HSP90AA1: variants seen among roughly 807,000 people sequenced by gnomAD.
The protein encoded by HSP90AA1 is heat shock protein HSP 90-alpha.
HSP90AA1 carries 18 observed loss-of-function variants against 73.3 expected under a neutral mutation model. The observed-to-expected ratio is 0.25, with a 90% CI of 0.17 to 0.36. The LOEUF (loss-of-function observed/expected upper bound fraction) is 0.36. Among genes scored for constraint, HSP90AA1 ranks in the 10% least tolerant of loss-of-function variants. HSP90AA1 has a pLI of 1.00. For synonymous variants in HSP90AA1, 477 were observed against 296.9 expected (o/e 1.61, Z -6.24); for missense variants, 704 against 874.2 (o/e 0.81, Z 2.45).
chr14:102,138,773 C>G (rs953883073), intron 1 of HSP90AA1, among the ~76,000 whole-genome samples: 5 of 152,150 alleles, frequency 3.3e-5, no homozygotes, highest in Non-Finnish European at 7.4e-5. Context: ...GTTTCTGTCA[C>G]TTTAGAAGCT....
intron 2 of HSP90AA1, among the ~76,000 whole-genome samples, chr14:102,096,913 G>A (rs908338088): frequency 1.3e-5 from 2 of 152,144 alleles, no homozygotes; most frequent in South Asian, 2.1e-4. Flanking sequence ...CATCATTAAT[G>A]TTTCACCCTG....
chr14:102,093,011 C>T (rs541634804), intron 2 of HSP90AA1, among the ~76,000 whole-genome samples: 64 of 152,156 alleles, frequency 4.2e-4, no homozygotes, highest in African/African-American at 1.4e-3. Flanking sequence ...TCCCAAAATG[C>T]TGGGGTTACG....
In HSP90AA1 at chr14:102,102,206, G is replaced by A. The variant is rs1200026018; in HGVS notation, c.156-121C>T. On this transcript the variant is annotated intron_variant, in intron 1 of 11. Transcript: ENST00000334701. ...CCTGGCTTCCTTAGACTTCCTCTGT[G>A]ACTGTCAAATGGATTAAAATATGTG... is the stretch of plus-strand genomic sequence containing the variant. The A allele has an allele frequency of 1.8e-5, 14 of 790,352 alleles. No individual in the cohort carries two copies. The East Asian group carries it at 2.7e-4, about 15-fold the overall frequency. The allele number at this position is 790,352 out of a possible 1,614,324, so 49.0% of individuals were successfully genotyped here.
chr14:102,128,049 C>A (rs1161372994), intron 1 of HSP90AA1, among the ~76,000 whole-genome samples: 1 of 152,202 alleles, frequency 6.6e-6, no homozygotes, highest in African/African-American at 2.4e-5. Context: ...GTGCTGCTCT[C>A]TTCTTTGCTC....
At position 102,084,610 on chromosome 14, in the gene HSP90AA1, A is replaced by G. The variant is rs764460657; in HGVS notation, c.982-46T>C. The stretch of plus-strand genomic sequence containing the variant: ...TAAGTACCAATGAACAATGCATTAT[A>G]GAAGATATTTGGGGTGGTGGAGAAA... On this transcript the variant is annotated intron_variant, in intron 5 of 10. Coordinates refer to ENST00000216281, the MANE Select transcript of HSP90AA1 (RefSeq NM_005348.4). The G allele has an allele frequency of 2.5e-6, 4 of 1,614,126 alleles. No homozygotes were observed. In the African/African-American group the frequency reaches 5.3e-5, roughly 22 times the overall value.
At chr14:102,117,450 G>A (rs1168368549) in intron 1 of HSP90AA1, among the ~76,000 whole-genome samples, 1 of 152,144 alleles carries the variant, frequency 6.6e-6, no homozygotes, top group Non-Finnish European at 1.5e-5. Flanking sequence ...CAGAGCTGAA[G>A]ACAGGATGAC....
intron 6 of HSP90AA1, 39 bp downstream of exon 6, chr14:102,084,360 T>C (rs373599349): frequency 1.1e-5 from 18 of 1,587,256 alleles, no homozygotes; most frequent in Non-Finnish European, 1.5e-5. Flanking sequence ...AGTACTTCTT[T>C]AATCAGTGAC....
At chr14:102,082,973 ATGACT>A in intron 9 of HSP90AA1, 56 bp downstream of exon 9, 1 of 1,523,364 alleles carries the variant, frequency 6.6e-7, no homozygotes, top group Non-Finnish European at 9.1e-7. Flanking sequence ...TGGGCTATGT[ATGACT>A]AAGCTTGAAA....
Position 102,082,997 on chromosome 14 carries a change from G to C in HSP90AA1, c.1755+37C>G, listed in dbSNP as rs748702121. On this transcript the variant is annotated intron_variant, in intron 9 of 10. Transcript: ENST00000216281. The stretch of plus-strand genomic sequence containing the variant: ...TATGACTAAGCTTGAAAGCACCTTA[G>C]AAGTATCAATGATCAGGAAATGCTG... The C allele has an allele frequency of 5.0e-6, 8 of 1,594,750 alleles. No individual in the cohort carries two copies. In the South Asian group the frequency reaches 7.7e-5, roughly 15 times the overall value.
chr14:102,102,044 A>G, exon 2 of HSP90AA1: 1 of 1,613,964 alleles, frequency 6.2e-7, no homozygotes, highest in East Asian at 2.2e-5. Flanking sequence ...ATGCCAGAGA[A>G]ACACTTGGGC....
upstream of HSP90AA1, among the ~76,000 whole-genome samples, chr14:102,087,951 C>CCT (rs2049289130): frequency 3.2e-5 from 3 of 92,992 alleles, no homozygotes; most frequent in African/African-American, 4.5e-5. Context: ...TTTTTTTTTT[C>CCT]TTTTTTTTTT....
intron 2 of HSP90AA1, among the ~76,000 whole-genome samples, chr14:102,096,863 T>G (rs1181890953): frequency 1.3e-5 from 2 of 152,162 alleles, no homozygotes; most frequent in African/African-American, 2.4e-5. Context: ...TATGGGAGAA[T>G]CAGGAAAGTG....
upstream of HSP90AA1, among the ~76,000 whole-genome samples, chr14:102,088,211 A>G (rs1012069163): frequency 6.6e-6 from 1 of 152,044 alleles, no homozygotes; most frequent in African/African-American, 2.4e-5. Flanking sequence ...GAATTTTCGG[A>G]TATTTTGGCC....
In HSP90AA1 at chr14:102,121,022, T is replaced by TACACAC. The variant is rs1196251138; in HGVS notation, c.155+18222_155+18227dup. Among the ~76,000 whole-genome samples the TACACAC allele has an allele frequency of 4.0e-3, 575 of 145,284 alleles. 9 individuals carry two copies. The East Asian group carries it at 0.05, about 13-fold the overall frequency. On this transcript the variant is annotated intron_variant, in intron 1 of 11. Coordinates refer to the HSP90AA1 transcript ENST00000334701. ...ATACACACACACACACACACACACATACACACACACACACACACACGTAAA... is the reference window on the plus strand; with the variant it reads ...ATACACACACACACACACACACACATACACACACACACACACACACACACACGTAAA...
chr14:102,108,322 A>G lies in HSP90AA1; in HGVS notation c.156-6237T>C, dbSNP rs996038975. Among the ~76,000 whole-genome samples the G allele has an allele frequency of 1.7e-4, 26 of 148,944 alleles. 1 individual carries two copies. Among genetic ancestry groups the G allele is most frequent in the African/African-American group, 6.4e-4 (26 of 40,554 alleles). On this transcript the variant is annotated intron_variant, in intron 1 of 11. Coordinates refer to the HSP90AA1 transcript ENST00000334701. ...GTTCTGTTGCCCAGGCTGGACTTGG[A>G]CTCCTGGACTCAAGCAATCCTCATA...
intron 1 of HSP90AA1, among the ~76,000 whole-genome samples, chr14:102,126,560 C>G (rs1420177229): frequency 6.6e-6 from 1 of 151,972 alleles, no homozygotes; most frequent in Non-Finnish European, 1.5e-5. Flanking sequence ...GAGTCTCGCT[C>G]TGTTCCCAGG....
chr14:102,083,495 C>A (rs1312967156), intron 8 of HSP90AA1, 51 bp downstream of exon 8: 2 of 1,564,512 alleles, frequency 1.3e-6, no homozygotes, highest in African/African-American at 2.7e-5. Flanking sequence ...CCCACAGAGC[C>A]TACAAGATTG....
intron 2 of HSP90AA1, among the ~76,000 whole-genome samples, chr14:102,100,250 G>A (rs900162071): frequency 1.3e-5 from 2 of 152,046 alleles, no homozygotes; most frequent in Non-Finnish European, 2.9e-5. Context: ...CTTTAAAACC[G>A]AACAGCTGGT....
At chr14:102,117,932 T>G (rs527772111) in intron 1 of HSP90AA1, among the ~76,000 whole-genome samples, 2 of 152,296 alleles carry the variant, frequency 1.3e-5, no homozygotes, top group South Asian at 4.1e-4. Context: ...CAGTGCCAGC[T>G]GGGGAAGCTG....
Sources: allele counts gnomAD v4.1 joint callset (sites outside exome capture counted in the v4.1 genomes callset), GRCh38; gene constraint gnomAD v4.1.1; transcripts MANE v1.5; gene names NCBI Gene and HGNC (gene_info 2026-07-23, HGNC 2026-07-21).